The following GDAP2 variants were observed in gnomAD, a reference collection of about 807,000 sequenced individuals.
GDAP2 encodes ganglioside induced differentiation associated protein 2, also known as ganglioside-induced differentiation-associated protein 2.
In GDAP2, 51 loss-of-function variants were observed where a neutral mutation model predicts 67.0. The observed-to-expected ratio is 0.76, with a 90% confidence interval of 0.61 to 0.96. The LOEUF is 0.96. GDAP2 is among the 40% of genes least tolerant of loss of function. The pLI, the probability that GDAP2 is intolerant of heterozygous loss-of-function variation, is 0.00. For synonymous variants in GDAP2, 203 were observed against 207.3 expected, an observed-to-expected ratio of 0.98 and a Z score of 0.18; for missense variants, 547 against 588.3, an observed-to-expected ratio of 0.93 and a Z score of 0.73.
chr1:117,916,513 T>C (rs1172368120), intron 3 of GDAP2, among the ~76,000 whole-genome samples: 1 of 152,182 alleles, frequency 6.6e-6, no homozygotes, highest in Non-Finnish European at 1.5e-5. Flanking sequence ...ACTTACTGGT[T>C]GTGTGTGGAC....
chr1:117,877,822 T>A, intron 13 of GDAP2, 187 bp downstream of exon 13: 1 of 1,264,708 alleles, frequency 7.9e-7, no homozygotes, highest in Non-Finnish European at 1.0e-6. Flanking sequence ...AAAATGCCTC[T>A]CTTGGGACAA....
At chr1:117,905,066 T>C (rs1480005935) in intron 6 of GDAP2, among the ~76,000 whole-genome samples, 1 of 152,236 alleles carries the variant, frequency 6.6e-6, no homozygotes, top group Admixed American at 6.6e-5. Flanking sequence ...ACTTATTTAC[T>C]AAATGTTTAA....
At chr1:117,899,000 G>T in intron 7 of GDAP2, 57 bp downstream of exon 7, 2 of 1,265,550 alleles carry the variant, frequency 1.6e-6, no homozygotes, top group South Asian at 1.2e-5. Context: ...TTTGGTGATT[G>T]GTGCCTATTT....
rs77073478 is a variant in GDAP2, at chr1:117,899,149, G to A, written c.704C>T (p.Pro235Leu). The A allele has an allele frequency of 2.6e-4, 422 of 1,609,802 alleles. 1 individual carries two copies. The East Asian group carries it at 6.6e-3, about 25-fold the overall frequency. ...ATTTCCAATATCTGCAGGTAGGTAG[G>A]GCAATGATCGATTCTCCTCTTTTAA... is the stretch of plus-strand genomic sequence containing the variant. ...RSLKEENRSL[P>L]YLPADIGNAE... is the part of the protein sequence containing the mutation. The change falls in exon 7 of 14, where the codon CCC becomes CTC. Residue 235 changes from proline (P) to leucine (L), a missense_variant. Coordinates refer to ENST00000369443, the MANE Select transcript of GDAP2 (RefSeq NM_017686.4).
chr1:117,887,767 G>A lies in GDAP2; in HGVS notation c.961C>T (p.Arg321Cys), dbSNP rs146263543. 9 of 1,534,550 alleles carry A rather than the reference G, an allele frequency of 5.9e-6. No homozygotes were observed. Among genetic ancestry groups the A allele is most frequent in the African/African-American group, 4.1e-5 (3 of 73,226 alleles). Reference sequence around the variant, plus strand: ...TCAGATCTTGCTTGACATAACCAGCGATTATAACTAGGGAAATAAATGATA... The same window carrying A: ...TCAGATCTTGCTTGACATAACCAGCAATTATAACTAGGGAAATAAATGATA... ...LQKQHQRNYN[R>C]WLCQARSEDL... Residue 321 changes from arginine (R) to cysteine (C), a missense_variant, in exon 9 of 14, where the codon CGC becomes TGC. Arg to Cys is a radical substitution (Grantham distance 180). Transcript: ENST00000369443.
chr1:117,876,754 T>C (rs760807536), intron 13 of GDAP2, among the ~76,000 whole-genome samples: 1 of 152,250 alleles, frequency 6.6e-6, no homozygotes, highest in Non-Finnish European at 1.5e-5. Context: ...GCCTGCTTTA[T>C]AGGCCCTTAA....
intron 1 of GDAP2, among the ~76,000 whole-genome samples, chr1:117,924,076 A>G (rs192917283): frequency 2.0e-5 from 3 of 152,342 alleles, no homozygotes; most frequent in Admixed American, 6.5e-5. Flanking sequence ...GAGATGGTGT[A>G]TCTTTCATCA....
intron 5 of GDAP2, among the ~76,000 whole-genome samples, chr1:117,911,366 A>C (rs1330615206): frequency 3.9e-5 from 6 of 152,218 alleles, no homozygotes; most frequent in Non-Finnish European, 8.8e-5. Flanking sequence ...TGGCTATTTA[A>C]ACTGCCAAGT....
intron 3 of GDAP2, among the ~76,000 whole-genome samples, chr1:117,918,393 AT>A (rs1311953822): frequency 6.6e-6 from 1 of 152,218 alleles, no homozygotes; most frequent in African/African-American, 2.4e-5. Flanking sequence ...CTGGTAGTAA[AT>A]TCTCAGGACT....
At chr1:117,922,380 G>T (rs1340330499) in intron 1 of GDAP2, among the ~76,000 whole-genome samples, 2 of 152,150 alleles carry the variant, frequency 1.3e-5, no homozygotes, top group Admixed American at 6.5e-5. Context: ...TGGCCTAAAA[G>T]CCAAGTGAAG....
At chr1:117,907,906 C>T (rs899492864) in intron 5 of GDAP2, among the ~76,000 whole-genome samples, 1 of 152,164 alleles carries the variant, frequency 6.6e-6, no homozygotes, top group African/African-American at 2.4e-5. Context: ...CCTAGCATGA[C>T]TCTCTATACT....
chr1:117,897,014 T>G, intron 7 of GDAP2, 25 bp from the exon 8 acceptor site: 1 of 1,536,366 alleles, frequency 6.5e-7, no homozygotes, highest in African/African-American at 1.4e-5. Context: ...CAACTATCAA[T>G]AGAGAGCTTA....
Position 117,905,441 on chromosome 1 carries a change from T to C in GDAP2, c.636+1065A>G, listed in dbSNP as rs546923133. ...GTATGACCGCTGTCATTTGCCTCTCTCCCTCGGCAAATCTTATGTACCTTT... is the reference window on the plus strand; with the variant it reads ...GTATGACCGCTGTCATTTGCCTCTCCCCCTCGGCAAATCTTATGTACCTTT... On this transcript the variant is annotated intron_variant, in intron 6 of 13. Coordinates refer to ENST00000369443, the MANE Select transcript of GDAP2 (RefSeq NM_017686.4). Among the ~76,000 whole-genome samples the C allele has an allele frequency of 7.9e-5, 12 of 152,276 alleles. No individual in the cohort carries two copies. In the East Asian group the frequency reaches 2.1e-3, roughly 27 times the overall value.
Position 117,881,884 on chromosome 1 carries a change from C to CA in GDAP2, c.1248-8dup. 2 of 1,527,014 alleles carry CA rather than the reference C, an allele frequency of 1.3e-6. No individual in the cohort carries two copies. The highest frequency in any genetic ancestry group is 1.8e-6 in the Non-Finnish European group (2 of 1,101,214). The allele number at this position is 1,527,014 out of a possible 1,614,324, so 94.6% of individuals were successfully genotyped here. A position where few individuals can be genotyped will look rare whatever the true frequency, so the allele number is the denominator to read the frequency against. ...CTTCAAATTCCTCTTGTACCTGATC[C>CA]AAAAATAAAATGACAAAAAAAATCA... On this transcript the variant is annotated splice_polypyrimidine_tract_variant and splice_region_variant and intron_variant, in intron 11 of 13. Coordinates refer to ENST00000369443, the MANE Select transcript of GDAP2 (RefSeq NM_017686.4).
chr1:117,915,604 A>G (rs1465813335), intron 3 of GDAP2, among the ~76,000 whole-genome samples: 1 of 152,228 alleles, frequency 6.6e-6, no homozygotes, highest in East Asian at 1.9e-4. Context: ...TTTTGAGAGT[A>G]GCATACACAT....
At chr1:117,916,484 C>A (rs139040883) in intron 3 of GDAP2, among the ~76,000 whole-genome samples, 3 of 152,070 alleles carry the variant, frequency 2.0e-5, no homozygotes, top group African/African-American at 7.2e-5. Context: ...TTGAAGTAAA[C>A]GAACAATAAG....
chr1:117,918,227 C>T (rs187511134), intron 3 of GDAP2, among the ~76,000 whole-genome samples: 6 of 152,192 alleles, frequency 3.9e-5, no homozygotes, highest in African/African-American at 1.2e-4. Flanking sequence ...GATGCAAGCT[C>T]GGTAATTTAA....
chr1:117,915,542 G>T (rs1230712439), intron 3 of GDAP2, among the ~76,000 whole-genome samples: 1 of 152,264 alleles, frequency 6.6e-6, no homozygotes, highest in East Asian at 1.9e-4. Context: ...TTAAAAGGTG[G>T]AATTCATTTG....
intron 5 of GDAP2, among the ~76,000 whole-genome samples, chr1:117,907,988 T>C (rs963371296): frequency 3.9e-5 from 6 of 152,140 alleles, no homozygotes; most frequent in Non-Finnish European, 8.8e-5. Context: ...CCACATCTTA[T>C]GCTTTAGCCA....
Sources: gnomAD v4.1 joint callset for allele counts (sites outside exome capture counted in the v4.1 genomes callset) on GRCh38, gnomAD v4.1.1 for gene constraint, MANE v1.5 for transcripts, NCBI Gene and HGNC (gene_info 2026-07-23, HGNC 2026-07-21) for gene names.